RHOD: variants seen among roughly 807,000 people sequenced by gnomAD.
The protein encoded by RHOD is rho-related GTP-binding protein RhoD.
Under a neutral mutation model 16.7 loss-of-function variants are expected in RHOD, and 11 were observed. The ratio of observed to expected loss-of-function variants is 0.66; its 90% CI spans 0.41 to 1.09. The LOEUF (loss-of-function observed/expected upper bound fraction) is 1.09, where lower values mean the gene tolerates loss of function less well. Among genes scored for constraint, RHOD ranks in the 50% least tolerant of loss-of-function variants. The probability of loss-of-function intolerance (pLI) is 0.00; values close to 1 mark genes in which losing one functional copy is unlikely to be tolerated. For synonymous variants in RHOD, 124 were observed against 126.3 expected (o/e 0.98, Z 0.12); for missense variants, 271 against 291.7 (o/e 0.93, Z 0.52).
At chr11:67,061,290 A>G (rs938921986) in intron 1 of RHOD, among the ~76,000 whole-genome samples, 8 of 152,114 alleles carry the variant, frequency 5.3e-5, no homozygotes, top group African/African-American at 1.9e-4. Flanking sequence ...ACTTGAGGTC[A>G]GGAGGAGTCC....
rs775220619 is a variant in RHOD, at chr11:67,070,461, C to G, written c.367C>G (p.Pro123Ala). The G allele has an allele frequency of 1.2e-6, 2 of 1,613,960 alleles. No homozygotes were observed. The highest frequency in any genetic ancestry group is 1.1e-5 in the South Asian group (1 of 91,082). The stretch of plus-strand genomic sequence containing the variant: ...AGTGAATCATTTCTGCAAGAAGGTA[C>G]CCATCATCGTCGTGGGCTGCAAGAC... Reference protein sequence around the residue: ...PEVNHFCKKVPIIVVGCKTDL... With the variant: ...PEVNHFCKKVAIIVVGCKTDL... Residue 123 changes from proline to alanine, a missense_variant, in exon 4 of 5, where the codon CCC (proline) becomes GCC (alanine). Pro to Ala is a conservative substitution (Grantham distance 27). Coordinates refer to ENST00000308831, the MANE Select transcript of RHOD (RefSeq NM_014578.4).
Position 67,071,530 on chromosome 11 carries a change from CGA to C in RHOD, c.563_564del (p.Glu188GlyfsTer42). 1.2e-6 allele frequency: 2 copies of C among 1,611,970 alleles called. No homozygotes were observed. Among genetic ancestry groups the C allele is most frequent in the Non-Finnish European group, 1.7e-6 (2 of 1,179,404 alleles). On this transcript the variant is annotated frameshift_variant, in exon 5 of 5. Coordinates refer to ENST00000308831, the MANE Select transcript of RHOD (RefSeq NM_014578.4). LOFTEE classifies it high-confidence loss of function. ...TCCACGCCGTCTTCCAGGAGGCCGC[CGA>C]GGTGGCCCTCAGCAGCCGCGGTCGC... Reference protein sequence around the residue: ...NVHAVFQEAAEVALSSRGRNF... With the variant: ...NVHAVFQEAAXVALSSRGRNF...
intron 1 of RHOD, among the ~76,000 whole-genome samples, chr11:67,060,019 G>A (rs991416657): frequency 6.6e-6 from 1 of 152,240 alleles, no homozygotes; most frequent in South Asian, 2.1e-4. Flanking sequence ...ACAGGGGGAA[G>A]CCCCAGGCTG....
At chr11:67,069,236 CAGCTGT>C (rs1434603410) in intron 3 of RHOD, among the ~76,000 whole-genome samples, 5 of 152,354 alleles carry the variant, frequency 3.3e-5, no homozygotes, top group African/African-American at 1.2e-4. Flanking sequence ...CCCGGCTCCC[CAGCTGT>C]AGTCCAGGCT....
At chr11:67,068,081 G>A (rs1854981324) in intron 3 of RHOD, among the ~76,000 whole-genome samples, 1 of 152,108 alleles carries the variant, frequency 6.6e-6, no homozygotes, top group Admixed American at 6.6e-5. Context: ...TTACAGGCGT[G>A]AGCCACCACG....
In RHOD at chr11:67,071,561, T is replaced by C; in HGVS notation, c.592T>C (p.Phe198Leu). 6.2e-7 allele frequency: 1 copy of C among 1,611,446 alleles called. No homozygotes were observed. Among genetic ancestry groups the C allele is most frequent in the Non-Finnish European group, 8.5e-7 (1 of 1,179,000 alleles). Residue 198 changes from phenylalanine to leucine, a missense_variant, in exon 5 of 5, where the codon TTC becomes CTC. By Grantham distance (22) the Phe-to-Leu change is conservative (BLOSUM62 0). Transcript: ENST00000308831. ...EVALSSRGRN[F>L]WRRITQGFCV... ...GGCCCTCAGCAGCCGCGGTCGCAAC[T>C]TCTGGCGGCGGATTACCCAGGGCTT...
At position 67,059,051 on chromosome 11, in the gene RHOD, A is replaced by G. The variant is rs191076852; in HGVS notation, c.132+2017A>G. On this transcript the variant is annotated intron_variant, in intron 1 of 4. Transcript: ENST00000308831. ...TGTCCTTGATGGTGAGACCATCCCA[A>G]CTTCAGAGGAGTTATGACGTGGAAA... 1.3e-3 allele frequency among the ~76,000 whole-genome samples: 195 copies of G among 152,292 alleles called. 1 individual carries two copies. The East Asian group carries it at 0.022, about 17-fold the overall frequency.
intron 4 of RHOD, 79 bp from the exon 5 acceptor site, chr11:67,071,356 T>G: frequency 7.1e-7 from 1 of 1,416,876 alleles, no homozygotes; most frequent in Non-Finnish European, 9.3e-7. Context: ...CCTTCCACTC[T>G]TGTCCGGGAA....
rs71045977 is a variant in RHOD, at chr11:67,061,810, GTA to G, written c.133-4076_133-4075del. Among the ~76,000 whole-genome samples the G allele has an allele frequency of 8.1e-3, 1,140 of 140,452 alleles. 16 individuals are homozygous for G. Among genetic ancestry groups the G allele is most frequent in the African/African-American group, 0.016 (615 of 37,836 alleles). 92.1% of individuals were successfully genotyped at this position (140,452 alleles called of 152,430 possible). A position where few individuals can be genotyped will look rare whatever the true frequency, so the allele number is the denominator to read the frequency against. The stretch of plus-strand genomic sequence containing the variant: ...TGTGTGTATATATATATATGTGTGT[GTA>G]TATATATATGTGTGTGTGTGTGTGT... On this transcript the variant is annotated intron_variant, in intron 1 of 4. Transcript: ENST00000308831.
At chr11:67,060,183 C>T (rs1211011857) in intron 1 of RHOD, among the ~76,000 whole-genome samples, 3 of 152,212 alleles carry the variant, frequency 2.0e-5, no homozygotes, top group African/African-American at 7.2e-5. Flanking sequence ...CTTCCTGGTT[C>T]GCACTTGGAC....
At position 67,066,815 on chromosome 11, in the gene RHOD, A is replaced by G. The variant is rs1854965123; in HGVS notation, c.298A>G (p.Ser100Gly). ...SVLLLCFDVT[S>G]PNSFDNIFNR... ...CCTGCTGCTTTGCTTCGATGTCACC[A>G]GCCCGAACAGCTTTGACAACATCTT... is the stretch of plus-strand genomic sequence containing the variant. Residue 100 changes from serine to glycine, a missense_variant, in exon 3 of 5, where the codon AGC (serine) becomes GGC (glycine). Coordinates refer to ENST00000308831, the MANE Select transcript of RHOD (RefSeq NM_014578.4). 1 of 1,613,708 alleles carries G rather than the reference A, an allele frequency of 6.2e-7. No individual in the cohort carries two copies. The highest frequency in any genetic ancestry group is 1.3e-5 in the African/African-American group (1 of 74,946).
intron 3 of RHOD, among the ~76,000 whole-genome samples, chr11:67,067,904 A>T (rs1258206742): frequency 6.6e-6 from 1 of 152,086 alleles, no homozygotes; most frequent in Non-Finnish European, 1.5e-5. Context: ...GGTTGATACC[A>T]TTCTCCTGCC....
intron 3 of RHOD, among the ~76,000 whole-genome samples, chr11:67,067,189 GC>G (rs1854969430): frequency 6.6e-6 from 1 of 152,176 alleles, no homozygotes; most frequent in Admixed American, 6.5e-5. Context: ...CCCAGCCTGT[GC>G]CCGCCCAAGG....
rs189124008 is a variant in RHOD at position 67,065,559 on chromosome 11, C to T, written c.133-337C>T. ...CTAATTTTTGTATTTTTAGTAGAGA[C>T]GGTTTCACCATGTTGGCCAGGCTGG... On this transcript the variant is annotated intron_variant, in intron 1 of 4. Coordinates refer to ENST00000308831, the MANE Select transcript of RHOD (RefSeq NM_014578.4). 4.1e-4 allele frequency among the ~76,000 whole-genome samples: 62 copies of T among 151,960 alleles called. No homozygotes were observed. In the East Asian group the frequency reaches 9.9e-3, roughly 24 times the overall value.
At chr11:67,061,458 C>T (rs1283911349) in intron 1 of RHOD, among the ~76,000 whole-genome samples, 1 of 151,968 alleles carries the variant, frequency 6.6e-6, no homozygotes, top group Non-Finnish European at 1.5e-5. Context: ...CATGGAGAAA[C>T]CCCATCTCTA....
At chr11:67,068,906 A>T (rs1854991169) in intron 3 of RHOD, among the ~76,000 whole-genome samples, 1 of 151,692 alleles carries the variant, frequency 6.6e-6, no homozygotes, top group Non-Finnish European at 1.5e-5. Flanking sequence ...TCTGCCAGGG[A>T]CCCCACAAAG....
At chr11:67,061,774 A>ATATGTG (rs1555071110) in intron 1 of RHOD, among the ~76,000 whole-genome samples, 2 of 136,434 alleles carry the variant, frequency 1.5e-5, no homozygotes, top group African/African-American at 5.6e-5. Context: ...ATATATATAT[A>ATATGTG]TGTGTGTGTG....
At chr11:67,059,393 A>AT (rs1409128019) in intron 1 of RHOD, among the ~76,000 whole-genome samples, 2 of 152,196 alleles carry the variant, frequency 1.3e-5, no homozygotes, top group Admixed American at 6.5e-5. Flanking sequence ...TACAAAAAAA[A>AT]TTACCCGGGC....
chr11:67,066,010 G>A, intron 2 of RHOD, 27 bp downstream of exon 2: 1 of 1,392,360 alleles, frequency 7.2e-7, no homozygotes, highest in Non-Finnish European at 1.0e-6. Context: ...GGGGCAGGGT[G>A]GGAGGGGCTT....
Sources: gnomAD v4.1 joint callset for allele counts (sites outside exome capture counted in the v4.1 genomes callset) on GRCh38, gnomAD v4.1.1 for gene constraint, MANE v1.5 for transcripts, NCBI Gene and HGNC (gene_info 2026-07-23, HGNC 2026-07-21) for gene names.